The following FSIP2 variants were observed in gnomAD, a reference collection of about 807,000 sequenced individuals.
FSIP2 encodes the protein fibrous sheath interacting protein 2, also known as fibrous sheath-interacting protein 2.
FSIP2 carries 367 observed loss-of-function variants against 510.5 expected under a neutral mutation model. That is an observed-to-expected ratio of 0.72 (90% CI 0.66 to 0.78). The LOEUF (loss-of-function observed/expected upper bound fraction) is 0.78. Ranked by LOEUF, FSIP2 falls within the 30% of genes least tolerant of loss-of-function variation. The pLI, the probability that FSIP2 is intolerant of heterozygous loss-of-function variation, is 0.00. For missense variants in FSIP2, 7,594 were observed against 7,901.7 expected (o/e 0.96, Z 1.48); for synonymous variants, 2,601 against 2,732.2 (o/e 0.95, Z 1.50).
At chr2:185,821,009 TAAAAAAAAAAAAAAAA>T (rs59331328) in intron 19 of FSIP2, among the ~76,000 whole-genome samples, 1 of 74,962 alleles carries the variant, frequency 1.3e-5, no homozygotes, top group Admixed American at 1.6e-4. Context: ...GTTGGTTCGT[TAAAAAAAAAAAAAAAA>T]AAAAAAAAAA....
intron 14 of FSIP2, among the ~76,000 whole-genome samples, 155 bp from the exon 15 acceptor site, chr2:185,786,097 A>AG (rs898265023): frequency 6.6e-6 from 1 of 151,910 alleles, no homozygotes; most frequent in African/African-American, 2.4e-5. Flanking sequence ...GAAGTGAAAT[A>AG]GGGGGGTTGG....
Position 185,791,984 on chromosome 2 carries a change from G to A in FSIP2, c.4848G>A (p.Lys1616=), listed in dbSNP as rs1200451299. 1.3e-6 allele frequency: 2 copies of A among 1,533,924 alleles called. No homozygotes were observed. Among genetic ancestry groups the A allele is most frequent in the South Asian group, 1.2e-5 (1 of 83,994 alleles). The change falls in exon 16 of 23, where the codon AAG becomes AAA. Residue 1616 remains lysine (K), a synonymous_variant. Transcript: ENST00000424728. ...ATGATGGAAATAAGAAAAGCAATAAGATAGGCTGGGAATATGAAAGCACCA... is the reference window on the plus strand; with the variant it reads ...ATGATGGAAATAAGAAAAGCAATAAAATAGGCTGGGAATATGAAAGCACCA... ...AINDGNKKSN[K]IGWEYESTNI...
Position 185,796,139 on chromosome 2 carries a change from G to C in FSIP2, c.9003G>C (p.Glu3001Asp). Reference sequence around the variant, plus strand: ...TAGAAACGGTTTTAAACATGTTAGAGTCATTTGTGGACTTGCAGTTTAAAC... The same window carrying C: ...TAGAAACGGTTTTAAACATGTTAGACTCATTTGTGGACTTGCAGTTTAAAC... ...EIVETVLNML[E>D]SFVDLQFKHI... The change falls in exon 16 of 23, where the codon GAG becomes GAC. Residue 3001 changes from glutamate (E) to aspartate (D), a missense_variant. Glu to Asp is a conservative substitution (Grantham distance 45). Coordinates refer to ENST00000424728, the MANE Select transcript of FSIP2 (RefSeq NM_173651.4). The C allele has an allele frequency of 6.5e-7, 1 of 1,534,316 alleles. No homozygotes were observed. The highest frequency in any genetic ancestry group is 8.7e-7 in the Non-Finnish European group (1 of 1,145,826).
rs1185895093 is a variant in FSIP2 at position 185,778,398 on chromosome 2, ATATG to A, written c.1412-4302_1412-4299del. Among the ~76,000 whole-genome samples the A allele has an allele frequency of 3.3e-5, 5 of 152,190 alleles. No homozygotes were observed. In the East Asian group the frequency reaches 9.6e-4, roughly 29 times the overall value. Reference sequence around the variant, plus strand: ...AACAGTATGTGAAACTTAATTGGTGATATGTATGAAAATATAAAATGTATCAAAA... The same window carrying A: ...AACAGTATGTGAAACTTAATTGGTGATATGAAAATATAAAATGTATCAAAA... On this transcript the variant is annotated intron_variant, in intron 13 of 22. Transcript: ENST00000424728.
In FSIP2 at chr2:185,743,252, G is replaced by A. The variant is rs1188022846; in HGVS notation, c.345G>A (p.Leu115=). The change falls in exon 3 of 23, where the codon TTG becomes TTA. Residue 115 remains leucine (L), a synonymous_variant. Transcript: ENST00000424728. ...LKAYYKRKDI[L]KRLKKGGYIT... is the part of the protein sequence containing the mutation. ...CATACTATAAGCGCAAAGATATTTT[G>A]AAGAGATTAAAGAAAGGTGGCTACA... The A allele has an allele frequency of 2.0e-6, 3 of 1,513,558 alleles. No homozygotes were observed. The highest frequency in any genetic ancestry group is 2.5e-5 in the East Asian group (1 of 40,178). The allele number at this position is 1,513,558 out of a possible 1,614,324, so 93.8% of individuals were successfully genotyped here. A position where few individuals can be genotyped will look rare whatever the true frequency, so the allele number is the denominator to read the frequency against.
chr2:185,790,880 T>A lies in FSIP2; in HGVS notation c.3744T>A (p.Ser1248=). 6.5e-7 allele frequency: 1 copy of A among 1,531,526 alleles called. No homozygotes were observed. Among genetic ancestry groups the A allele is most frequent in the Non-Finnish European group, 8.7e-7 (1 of 1,144,468 alleles). 94.9% of individuals were successfully genotyped at this position (1,531,526 alleles called of 1,614,324 possible). A position where few individuals can be genotyped will look rare whatever the true frequency, so the allele number is the denominator to read the frequency against. The change falls in exon 16 of 23, where the codon TCT becomes TCA. Residue 1248 remains serine, a synonymous_variant. Coordinates refer to ENST00000424728, the MANE Select transcript of FSIP2 (RefSeq NM_173651.4). ...VDPEKPPWLK[S]GKSEPKPVDD... ...CTGAAAAGCCTCCCTGGTTAAAATCTGGAAAAAGTGAACCTAAACCTGTAG... is the reference window on the plus strand; with the variant it reads ...CTGAAAAGCCTCCCTGGTTAAAATCAGGAAAAAGTGAACCTAAACCTGTAG...
At chr2:185,750,304 T>C (rs1692116312) in intron 7 of FSIP2, among the ~76,000 whole-genome samples, 1 of 151,688 alleles carries the variant, frequency 6.6e-6, no homozygotes, top group South Asian at 2.1e-4. Context: ...TGTGGGGAGA[T>C]ACTTAACTAC....
chr2:185,812,772 C>T (rs1465315997), intron 17 of FSIP2, among the ~76,000 whole-genome samples: 1 of 151,968 alleles, frequency 6.6e-6, no homozygotes, highest in Non-Finnish European at 1.5e-5. Context: ...AGAGGTTCTT[C>T]TGATATTTTG....
At chr2:185,749,225 A>T (rs1321153575) in intron 7 of FSIP2, among the ~76,000 whole-genome samples, 3 of 151,926 alleles carry the variant, frequency 2.0e-5, no homozygotes, top group Non-Finnish European at 2.9e-5. Context: ...TTAACTCTAT[A>T]GGTCAGTTTG....
chr2:185,738,533 C>T, upstream of FSIP2: 1 of 1,380,036 alleles, frequency 7.2e-7, no homozygotes. Context: ...CGGAACAGGG[C>T]TCCTTGGAAG....
At position 185,802,037 on chromosome 2, in the gene FSIP2, A is replaced by T; in HGVS notation, c.12731A>T (p.Asp4244Val). The T allele has an allele frequency of 6.5e-7, 1 of 1,531,672 alleles. No homozygotes were observed. Among genetic ancestry groups the T allele is most frequent in the Non-Finnish European group, 8.7e-7 (1 of 1,144,640 alleles). The allele number at this position is 1,531,672 out of a possible 1,614,324, so 94.9% of individuals were successfully genotyped here. A position where few individuals can be genotyped will look rare whatever the true frequency, so the allele number is the denominator to read the frequency against. ...SIVSRSPIMI[D>V]QIASFIIQEI... Reference sequence around the variant, plus strand: ...GTAAGCCGAAGCCCAATTATGATTGACCAAATAGCCAGCTTTATCATCCAA... The same window carrying T: ...GTAAGCCGAAGCCCAATTATGATTGTCCAAATAGCCAGCTTTATCATCCAA... Residue 4244 changes from aspartate (D) to valine (V), a missense_variant, in exon 17 of 23, where the codon GAC becomes GTC. By Grantham distance (152) the Asp-to-Val change is radical. Transcript: ENST00000424728.
At chr2:185,738,506 C>T (rs927673103), upstream of FSIP2, 19 of 1,139,924 alleles carry the variant, frequency 1.7e-5, no homozygotes, top group African/African-American at 2.5e-4. Flanking sequence ...AACAATCACT[C>T]GGGAATTTTT....
Position 185,801,972 on chromosome 2 carries a change from G to T in FSIP2, c.12666G>T (p.Leu4222Phe), listed in dbSNP as rs1220903012. The change falls in exon 17 of 23, where the codon TTG becomes TTT. Residue 4222 changes from leucine (L) to phenylalanine (F), a missense_variant. Transcript: ENST00000424728. ...TGGATTCTGTATATTGTAATATTTT[G>T]CAAATGTCTGACTCTCTTGTTTCAA... is the stretch of plus-strand genomic sequence containing the variant. ...KMVDSVYCNILQMSDSLVSIQ... is the reference protein window; with the variant it reads ...KMVDSVYCNIFQMSDSLVSIQ... 3.3e-6 allele frequency: 5 copies of T among 1,523,198 alleles called. No homozygotes were observed. Among genetic ancestry groups the T allele is most frequent in the South Asian group, 2.4e-5 (2 of 82,292 alleles). The allele number at this position is 1,523,198 out of a possible 1,614,324, so 94.4% of individuals were successfully genotyped here.
rs745893655 is a variant in FSIP2 at position 185,789,138 on chromosome 2, G to T, written c.2002G>T (p.Asp668Tyr). The T allele has an allele frequency of 6.5e-7, 1 of 1,534,996 alleles. No homozygotes were observed. Among genetic ancestry groups the T allele is most frequent in the East Asian group, 2.4e-5 (1 of 40,872 alleles). ...ATCTAAGGATGCTACCACTGAAACA[G>T]ATAGCTTAGGGAGTTCATTGCATTG... Reference protein sequence around the residue: ...KKSKDATTETDSLGSSLHCDK... With the variant: ...KKSKDATTETYSLGSSLHCDK... Residue 668 changes from aspartate to tyrosine, a missense_variant, in exon 16 of 23, where the codon GAT becomes TAT. By Grantham distance (160) the Asp-to-Tyr change is radical (BLOSUM62 -3). Transcript: ENST00000424728.
chr2:185,742,201 C>G (rs1691937459), intron 2 of FSIP2, among the ~76,000 whole-genome samples: 1 of 152,190 alleles, frequency 6.6e-6, no homozygotes, highest in Admixed American at 6.5e-5. Context: ...AGCCTTAACA[C>G]AACTTCCTAC....
intron 2 of FSIP2, chr2:185,740,597 AACAATGTACCATAG>A (rs772477095): frequency 6.6e-6 from 1 of 152,226 alleles, no homozygotes; most frequent in African/African-American, 2.4e-5. Flanking sequence ...AGGCTGTTAT[AACAATGTACCATAG>A]ACTGGGTGGC....
intron 13 of FSIP2, among the ~76,000 whole-genome samples, chr2:185,780,494 A>G (rs1692824392): frequency 6.6e-6 from 1 of 151,514 alleles, no homozygotes; most frequent in Non-Finnish European, 1.5e-5. Flanking sequence ...TATATAAAAT[A>G]CAATTTCTAA....
In FSIP2 at chr2:185,829,664, G is replaced by C. The variant is rs2105690612; in HGVS notation, c.20517+1465G>C. Among the ~76,000 whole-genome samples the C allele has an allele frequency of 1.3e-5, 2 of 152,058 alleles. 1 individual carries two copies. Among genetic ancestry groups the C allele is most frequent in the South Asian group, 4.1e-4 (2 of 4,830 alleles). ...CAGCAGAGTTACCACCTAAAACTCT[G>C]AAAGAAAATTCTTCTCTGACCAATA... On this transcript the variant is annotated intron_variant, in intron 21 of 22. Transcript: ENST00000424728.
rs114855684 is a variant in FSIP2, at chr2:185,762,623, T to C, written c.1241-560T>C. Among the ~76,000 whole-genome samples the C allele has an allele frequency of 2.7e-3, 414 of 151,574 alleles. 1 individual carries two copies. Among genetic ancestry groups the C allele is most frequent in the Non-Finnish European group, 4.7e-3 (315 of 67,582 alleles). ...AAGTTGCCTTGGACTCTTCCTTTTA[T>C]ATTTTGTATCTAAAAGTTCACATTT... On this transcript the variant is annotated intron_variant, in intron 11 of 22. Coordinates refer to ENST00000424728, the MANE Select transcript of FSIP2 (RefSeq NM_173651.4).
Sources: gnomAD v4.1 joint callset for allele counts (sites outside exome capture counted in the v4.1 genomes callset) on GRCh38, gnomAD v4.1.1 for gene constraint, MANE v1.5 for transcripts, NCBI Gene and HGNC (gene_info 2026-07-23, HGNC 2026-07-21) for gene names.